The following TENM1 variants were observed in gnomAD, a reference collection of about 807,000 sequenced individuals.
TENM1 encodes teneurin-1.
In TENM1, 35 loss-of-function variants were observed where a neutral mutation model predicts 174.8. The ratio of observed to expected loss-of-function variants is 0.20; its 90% CI spans 0.15 to 0.27. The LOEUF is 0.27. TENM1 is among the 10% of genes least tolerant of loss of function. The pLI, the probability that TENM1 is intolerant of heterozygous loss-of-function variation, is 1.00. For missense variants in TENM1, 1,633 were observed against 2,130.1 expected (o/e 0.77, Z 4.59); for synonymous variants, 781 against 798.7 (o/e 0.98, Z 0.37).
intron 15 of TENM1, among the ~76,000 whole-genome samples, chrX:124,536,376 T>C (rs908271142): frequency 2.7e-5 from 3 of 111,742 alleles, no homozygotes; most frequent in Admixed American, 1.9e-4. Context: ...AAATAAACAA[T>C]GCCTACCAAG....
chrX:124,854,828 G>T (rs775318836), intron 3 of TENM1, among the ~76,000 whole-genome samples: 2 of 111,768 alleles, frequency 1.8e-5, no homozygotes, highest in Non-Finnish European at 3.8e-5. Flanking sequence ...ATAGAAAAAT[G>T]CACTTACTCC....
intron 1 of TENM1, among the ~76,000 whole-genome samples, chrX:124,912,093 T>C (rs1437281192): frequency 1.8e-5 from 2 of 111,932 alleles, no homozygotes; most frequent in Non-Finnish European, 3.8e-5. Flanking sequence ...CAAAATTTAG[T>C]ATCAGAATCA....
At chrX:125,200,654 T>TGTGTGAGAGA in the TENM1 span, among the ~76,000 whole-genome samples, 161 of 92,420 alleles carry the variant, frequency 1.7e-3, 1 homozygote, top group African/African-American at 5.9e-3. Context: ...TGTGTGTGTG[T>TGTGTGAGAGA]GAGAGAGAGA....
At chrX:124,440,882 A>G (rs1256150520) in intron 23 of TENM1, among the ~76,000 whole-genome samples, 3 of 111,658 alleles carry the variant, frequency 2.7e-5, no homozygotes, top group Non-Finnish European at 5.7e-5. Flanking sequence ...TTTGATTGCT[A>G]TGTAGACTGA....
the TENM1 span, among the ~76,000 whole-genome samples, chrX:125,191,934 G>GT: frequency 5.0e-3 from 526 of 105,821 alleles, 3 homozygotes; most frequent in African/African-American, 0.016. Context: ...TTTTTTTTTT[G>GT]TTTTTTTTTG....
At chrX:125,178,618 A>G in the TENM1 span, among the ~76,000 whole-genome samples, 2 of 111,868 alleles carry the variant, frequency 1.8e-5, no homozygotes, top group Non-Finnish European at 3.8e-5. Flanking sequence ...CCACATGGAT[A>G]TTCTGCCATA....
At chrX:124,515,435 A>G (rs758745574) in intron 18 of TENM1, among the ~76,000 whole-genome samples, 82 of 111,794 alleles carry the variant, frequency 7.3e-4, no homozygotes, top group African/African-American at 2.3e-3. Flanking sequence ...ACATGATTCT[A>G]TATCTGGAAA....
intron 18 of TENM1, among the ~76,000 whole-genome samples, chrX:124,511,590 C>A (rs1308374141): frequency 8.9e-6 from 1 of 111,750 alleles, no homozygotes; most frequent in Non-Finnish European, 1.9e-5. Context: ...GTTTCCCCCT[C>A]TGCAACATGA....
At chrX:124,861,682 T>G (rs1291109341) in intron 3 of TENM1, among the ~76,000 whole-genome samples, 1 of 112,329 alleles carries the variant, frequency 8.9e-6, no homozygotes, top group Non-Finnish European at 1.9e-5. Context: ...TTACTGGAAT[T>G]ACTAGGGAAT....
intron 3 of TENM1, among the ~76,000 whole-genome samples, chrX:124,823,884 CTA>C (rs1196756546): frequency 3.6e-5 from 4 of 111,408 alleles, no homozygotes; most frequent in African/African-American, 6.5e-5. Context: ...TAAAACATAA[CTA>C]TGTTTTTCAA....
chrX:124,869,980 T>C (rs754592695), intron 3 of TENM1, among the ~76,000 whole-genome samples: 230 of 111,465 alleles, frequency 2.1e-3, no homozygotes, highest in Non-Finnish European at 3.6e-3. Context: ...AGAGTGTAAT[T>C]GGAGTGTTTG....
intron 17 of TENM1, 27 bp from the exon 21 acceptor site, chrX:124,520,811 C>G: frequency 1.0e-6 from 1 of 961,833 alleles, no homozygotes; most frequent in Non-Finnish European, 1.4e-6. Context: ...AAAAAAAAGC[C>G]AAATAGGCTC....
At chrX:124,753,331 T>C (rs1420767809) in intron 3 of TENM1, among the ~76,000 whole-genome samples, 3 of 107,968 alleles carry the variant, frequency 2.8e-5, no homozygotes, top group Non-Finnish European at 3.9e-5. Flanking sequence ...TTTTTGTACA[T>C]TGATTTTGTA....
At chrX:125,038,739 T>C in the TENM1 span, among the ~76,000 whole-genome samples, 1 of 111,368 alleles carries the variant, frequency 9.0e-6, no homozygotes, top group South Asian at 3.8e-4. Context: ...AAAACAACTA[T>C]AATTGACCTA....
At chrX:125,071,891 AG>A in the TENM1 span, among the ~76,000 whole-genome samples, 47 of 111,340 alleles carry the variant, frequency 4.2e-4, no homozygotes, top group African/African-American at 1.3e-3. Flanking sequence ...AAAATATATA[AG>A]TATAAATATA....
chrX:124,461,029 T>C (rs1047831538), intron 22 of TENM1, among the ~76,000 whole-genome samples: 4 of 112,368 alleles, frequency 3.6e-5, no homozygotes, highest in African/African-American at 1.3e-4. Flanking sequence ...ATAGATCTCT[T>C]AGACTTCTTC....
intron 5 of TENM1, chrX:124,688,962 G>A (rs1261007461): frequency 5.4e-5 from 6 of 111,811 alleles, no homozygotes; most frequent in Admixed American, 3.8e-4. Flanking sequence ...TATAGTAATC[G>A]TTTCATAGTG....
chrX:124,969,173 G>T, the TENM1 span, among the ~76,000 whole-genome samples: 3 of 112,311 alleles, frequency 2.7e-5, no homozygotes, highest in Non-Finnish European at 5.6e-5. Context: ...TTTTGATAAT[G>T]ATAAACTCTA....
At chrX:124,918,932 C>A (rs2057975042) in intron 1 of TENM1, among the ~76,000 whole-genome samples, 1 of 112,075 alleles carries the variant, frequency 8.9e-6, no homozygotes, top group Admixed American at 9.4e-5. Context: ...TACCTACACT[C>A]CAGCCACATC....
Sources: gnomAD v4.1 joint callset for allele counts (sites outside exome capture counted in the v4.1 genomes callset) on GRCh38, gnomAD v4.1.1 for gene constraint, MANE v1.5 for transcripts, NCBI Gene and HGNC (gene_info 2026-07-23, HGNC 2026-07-21) for gene names.